DSE: variants seen among roughly 807,000 people sequenced by gnomAD.
DSE encodes dermatan sulfate epimerase.
In DSE, 36 loss-of-function variants were observed where a neutral mutation model predicts 84.4. That is an observed-to-expected ratio of 0.43 (90% CI 0.33 to 0.56). DSE has a LOEUF of 0.56. DSE is among the 20% of genes least tolerant of loss of function. The probability of loss-of-function intolerance (pLI) is 0.06; values close to 1 mark genes in which losing one functional copy is unlikely to be tolerated. For missense variants in DSE, 862 were observed against 1,169.6 expected, an observed-to-expected ratio of 0.74 and a Z score of 3.84; for synonymous variants, 410 against 430.1, an observed-to-expected ratio of 0.95 and a Z score of 0.58.
Position 116,436,201 on chromosome 6 carries a change from G to A in DSE, c.1733G>A (p.Ser578Asn), listed in dbSNP as rs771946798. The A allele has an allele frequency of 6.2e-7, 1 of 1,613,932 alleles. No homozygotes were observed. The highest frequency in any genetic ancestry group is 1.1e-5 in the South Asian group (1 of 91,076). Reference sequence around the variant, plus strand: ...GACCAAATACACCTGGGAGAGGAGAGTCCCTTGGAGACAGCAGCGAGCTTC... The same window carrying A: ...GACCAAATACACCTGGGAGAGGAGAATCCCTTGGAGACAGCAGCGAGCTTC... ...LVDQIHLGEESPLETAASFFH... is the reference protein window; with the variant it reads ...LVDQIHLGEENPLETAASFFH... Residue 578 changes from serine to asparagine, a missense_variant, in exon 6 of 6, where the codon AGT becomes AAT. Physicochemically the swap from Ser to Asn is conservative, Grantham distance 46. Transcript: ENST00000644252.
At chr6:116,341,926 G>A (rs1181503841) in intron 2 of DSE, among the ~76,000 whole-genome samples, 1 of 152,204 alleles carries the variant, frequency 6.6e-6, no homozygotes, top group African/African-American at 2.4e-5. Context: ...CAGATAGTGT[G>A]ATACCTCCAG....
intron 2 of DSE, among the ~76,000 whole-genome samples, chr6:116,343,469 C>T (rs928134631): frequency 7.9e-5 from 12 of 152,190 alleles, no homozygotes; most frequent in African/African-American, 2.9e-4. Flanking sequence ...CATCAGGCAG[C>T]AACATTGGCC....
intron 2 of DSE, among the ~76,000 whole-genome samples, chr6:116,273,956 A>C (rs997557564): frequency 6.6e-6 from 1 of 150,378 alleles, no homozygotes; most frequent in Non-Finnish European, 1.5e-5. Context: ...CAGCCTCCCG[A>C]GTAGCTGGAA....
upstream of DSE, chr6:116,366,156 T>C (rs1404636615): frequency 6.6e-6 from 1 of 152,238 alleles, no homozygotes; most frequent in Non-Finnish European, 1.5e-5. Flanking sequence ...AAAATCCTAC[T>C]GATGAGAAAG....
intron 1 of DSE, chr6:116,375,620 G>A: frequency 1.1e-6 from 1 of 919,482 alleles, no homozygotes; most frequent in Non-Finnish European, 1.3e-6. Context: ...TGATGCTGAA[G>A]TCTTGCAGAA....
chr6:116,290,523 A>G (rs952681388), intron 2 of DSE, among the ~76,000 whole-genome samples: 2 of 152,156 alleles, frequency 1.3e-5, no homozygotes, highest in African/African-American at 4.8e-5. Flanking sequence ...AGATTCTCAG[A>G]CTTGGGGTTC....
chr6:116,404,893 C>T (rs945544585), intron 2 of DSE, among the ~76,000 whole-genome samples: 2 of 151,958 alleles, frequency 1.3e-5, no homozygotes, highest in African/African-American at 4.8e-5. Flanking sequence ...GAAATTACTT[C>T]ACTCTTGCAT....
upstream of DSE, among the ~76,000 whole-genome samples, chr6:116,365,687 C>T (rs1779129275): frequency 6.6e-6 from 1 of 152,192 alleles, no homozygotes; most frequent in African/African-American, 2.4e-5. Context: ...GGTATCTGGA[C>T]TTCATCCTAG....
chr6:116,266,444 G>GA (rs1229530137), intron 2 of DSE, among the ~76,000 whole-genome samples: 2 of 152,066 alleles, frequency 1.3e-5, no homozygotes, highest in Non-Finnish European at 1.5e-5. Flanking sequence ...AGGCTTAGGG[G>GA]AAAAAATCTC....
chr6:116,356,188 A>G (rs1029927084), intron 2 of DSE, among the ~76,000 whole-genome samples: 5 of 152,240 alleles, frequency 3.3e-5, no homozygotes, highest in African/African-American at 9.6e-5. Flanking sequence ...GTGGGCTCAG[A>G]CATTTTTAAG....
intron 1 of DSE, among the ~76,000 whole-genome samples, chr6:116,258,063 G>T (rs1004565572): frequency 6.6e-6 from 1 of 152,128 alleles, no homozygotes; most frequent in African/African-American, 2.4e-5. Flanking sequence ...GTCACAGCCA[G>T]GCTGGAGTGC....
rs905282940 is a variant in DSE, at chr6:116,438,749, C to T, written c.*1404C>T. On this transcript the variant is annotated 3_prime_UTR_variant, in exon 6 of 6. Coordinates refer to ENST00000644252, the MANE Select transcript of DSE (RefSeq NM_013352.4). ...TATAGGTGTAAAGTAACAACAGTAA[C>T]CTTTCCTCTTACTTGCTCTTTTAGT... The T allele has an allele frequency of 1.3e-5, 2 of 152,174 alleles. No homozygotes were observed. Among genetic ancestry groups the T allele is most frequent in the Admixed American group, 6.5e-5 (1 of 15,278 alleles). The allele number at this position is 152,174 out of a possible 1,614,324, so 9.4% of individuals were successfully genotyped here. A position where few individuals can be genotyped will look rare whatever the true frequency, so the allele number is the denominator to read the frequency against.
chr6:116,279,410 C>CGG, intron 2 of DSE: 1 of 1,613,350 alleles, frequency 6.2e-7, no homozygotes, highest in Non-Finnish European at 8.5e-7. Context: ...AGCTCAGACG[C>CGG]GGATCTCTGG....
At chr6:116,402,496 A>G (rs947920294) in intron 2 of DSE, among the ~76,000 whole-genome samples, 7 of 152,200 alleles carry the variant, frequency 4.6e-5, no homozygotes, top group Non-Finnish European at 8.8e-5. Context: ...GCAATAATCA[A>G]TGTAAAGTAC....
chr6:116,320,376 T>C (rs1323890091), intron 2 of DSE, among the ~76,000 whole-genome samples: 1 of 152,000 alleles, frequency 6.6e-6, no homozygotes, highest in Admixed American at 6.6e-5. Context: ...ATGTCAATTT[T>C]TTTTTATCCT....
intron 2 of DSE, among the ~76,000 whole-genome samples, chr6:116,297,279 T>G (rs1774730610): frequency 6.6e-6 from 1 of 152,054 alleles, no homozygotes; most frequent in Non-Finnish European, 1.5e-5. Flanking sequence ...TCCAGCTTCC[T>G]CTCCTCTTGG....
At chr6:116,361,055 A>G (rs571947558) in intron 2 of DSE, among the ~76,000 whole-genome samples, 1 of 152,132 alleles carries the variant, frequency 6.6e-6, no homozygotes, top group African/African-American at 2.4e-5. Flanking sequence ...ATGTAACTGA[A>G]GTTTTTTGTT....
intron 2 of DSE, among the ~76,000 whole-genome samples, chr6:116,263,476 T>C (rs904691120): frequency 1.3e-5 from 2 of 152,210 alleles, no homozygotes; most frequent in Non-Finnish European, 2.9e-5. Flanking sequence ...TCCATCCCTT[T>C]ATTTTGAGCC....
At chr6:116,257,029 C>G (rs546976265) in intron 1 of DSE, among the ~76,000 whole-genome samples, 7 of 152,268 alleles carry the variant, frequency 4.6e-5, no homozygotes, top group Non-Finnish European at 1.0e-4. Context: ...TAAATTAATA[C>G]AGTCAAACAG....
Sources: allele counts gnomAD v4.1 joint callset (sites outside exome capture counted in the v4.1 genomes callset), GRCh38; gene constraint gnomAD v4.1.1; transcripts MANE v1.5; gene names NCBI Gene and HGNC (gene_info 2026-07-23, HGNC 2026-07-21).